FAM227B: variants seen among roughly 807,000 people sequenced by gnomAD.
FAM227B encodes family with sequence similarity 227 member B.
Under a neutral mutation model 73.8 loss-of-function variants are expected in FAM227B, and 88 were observed. The ratio of observed to expected loss-of-function variants is 1.19; its 90% CI spans 1.00 to 1.42. The LOEUF (loss-of-function observed/expected upper bound fraction) is 1.42, where lower values mean the gene tolerates loss of function less well. Ranked by LOEUF, FAM227B falls within the 40% of genes most tolerant of loss-of-function variation. The pLI is 0.00. For synonymous variants in FAM227B, 210 were observed against 190.5 expected (o/e 1.10, Z -0.84); for missense variants, 632 against 590.9 (o/e 1.07, Z -0.72).
intron 6 of FAM227B, 55 bp downstream of exon 6, chr15:49,577,574 T>C: frequency 9.5e-7 from 1 of 1,051,670 alleles, no homozygotes; most frequent in Non-Finnish European, 1.4e-6. Context: ...AACATTATTT[T>C]AGTCCTACAT....
intron 5 of FAM227B, among the ~76,000 whole-genome samples, chr15:49,582,220 G>A (rs9972522): frequency 0.017 from 2,642 of 152,242 alleles, 64 homozygotes; most frequent in African/African-American, 0.061. Flanking sequence ...CCACTAGTAC[G>A]CTATCTTCAA....
intron 13 of FAM227B, chr15:49,366,643 C>A: frequency 6.4e-7 from 1 of 1,574,780 alleles, no homozygotes; most frequent in Non-Finnish European, 8.7e-7. Flanking sequence ...AGCCCCAGAG[C>A]AGGGCGGCCG....
chr15:49,524,770 C>T (rs943233299), intron 10 of FAM227B, among the ~76,000 whole-genome samples: 1 of 152,222 alleles, frequency 6.6e-6, no homozygotes, highest in Non-Finnish European at 1.5e-5. Context: ...CCTCTTGCAT[C>T]AGTGTGACCT....
intron 11 of FAM227B, chr15:49,424,172 C>T: frequency 1.2e-6 from 1 of 812,774 alleles, no homozygotes; most frequent in East Asian, 2.5e-5. Context: ...TTGGAAAGAG[C>T]AACTACTCTT....
intron 11 of FAM227B, among the ~76,000 whole-genome samples, chr15:49,379,513 C>A (rs117795150): frequency 0.03 from 4,555 of 152,194 alleles, 110 homozygotes; most frequent in Non-Finnish European, 0.042. Context: ...ATGGTTCAAT[C>A]TTGGTAGGTT....
chr15:49,408,055 G>T (rs1185638204), intron 11 of FAM227B, among the ~76,000 whole-genome samples: 1 of 151,900 alleles, frequency 6.6e-6, no homozygotes, highest in African/African-American at 2.4e-5. Flanking sequence ...CATCCTTTTT[G>T]TTTTGTATCC....
At chr15:49,511,225 T>C (rs1390138295) in intron 10 of FAM227B, among the ~76,000 whole-genome samples, 2 of 152,128 alleles carry the variant, frequency 1.3e-5, no homozygotes, top group South Asian at 2.1e-4. Context: ...TTTCTTCCCA[T>C]TTGAGATGGA....
At position 49,400,768 on chromosome 15, in the gene FAM227B, T is replaced by C. The variant is rs1260456181; in HGVS notation, c.1013-29369A>G. On this transcript the variant is annotated intron_variant, in intron 11 of 15. Transcript: ENST00000299338. ...AATGGGGAAAGGATTCCCTATTTAA[T>C]AAATGGTGCTGGGAAAACTGGCTAG... is the stretch of plus-strand genomic sequence containing the variant. 4.6e-5 allele frequency among the ~76,000 whole-genome samples: 7 copies of C among 151,282 alleles called. No individual in the cohort carries two copies. The East Asian group carries it at 1.2e-3, about 25-fold the overall frequency.
chr15:49,574,808 G>C, intron 8 of FAM227B: 1 of 320,156 alleles, frequency 3.1e-6, no homozygotes, highest in Non-Finnish European at 5.7e-6. Context: ...CAAAGATCCA[G>C]AATCTTTTGA....
Position 49,590,605 on chromosome 15 carries a change from C to T in FAM227B, c.106-598G>A, listed in dbSNP as rs563947932. 8.9e-4 allele frequency among the ~76,000 whole-genome samples: 135 copies of T among 152,072 alleles called. 5 individuals are homozygous for T. The South Asian group carries it at 0.026, about 30-fold the overall frequency. The stretch of plus-strand genomic sequence containing the variant: ...ATTTATGATGTACAATGTGAAGCTT[C>T]GATAAATGTATAGACTGTGCAATGA... On this transcript the variant is annotated intron_variant, in intron 3 of 15. Coordinates refer to ENST00000299338, the MANE Select transcript of FAM227B (RefSeq NM_152647.3).
At chr15:49,329,908 G>A (rs780181000) in intron 15 of FAM227B, 2 of 264,060 alleles carry the variant, frequency 7.6e-6, no homozygotes, top group Non-Finnish European at 1.2e-5. Flanking sequence ...AATTTCCAAT[G>A]TGCACTCTTC....
intron 11 of FAM227B, among the ~76,000 whole-genome samples, chr15:49,422,141 AGAGAGT>A (rs1217011612): frequency 1.9e-4 from 27 of 141,862 alleles, no homozygotes; most frequent in African/African-American, 6.6e-4. Context: ...AGAGAGAGAG[AGAGAGT>A]GTGTGTGTGT....
At chr15:49,450,087 A>G in intron 11 of FAM227B, among the ~76,000 whole-genome samples, 1 of 152,260 alleles carries the variant, frequency 6.6e-6, no homozygotes, top group South Asian at 2.1e-4. Flanking sequence ...ACTGAGAAGA[A>G]ACAAATTAAA....
chr15:49,615,079 T>C (rs374686516), intron 2 of FAM227B, 42 bp downstream of exon 2: 57 of 1,575,318 alleles, frequency 3.6e-5, no homozygotes, highest in East Asian at 3.6e-4. Context: ...AAGAGAAATA[T>C]AACCTTTGTA....
At chr15:49,333,992 T>C (rs1034867171) in intron 14 of FAM227B, among the ~76,000 whole-genome samples, 48 of 152,328 alleles carry the variant, frequency 3.2e-4, no homozygotes, top group Admixed American at 2.7e-3. Context: ...TATAGGTTTA[T>C]TTTGAAAAGG....
intron 11 of FAM227B, among the ~76,000 whole-genome samples, chr15:49,405,229 T>G (rs1161399112): frequency 6.6e-6 from 1 of 152,158 alleles, no homozygotes; most frequent in Non-Finnish European, 1.5e-5. Context: ...ATTATGTGTC[T>G]TGGGATGATC....
chr15:49,537,156 A>T lies in FAM227B; in HGVS notation c.874+4524T>A, dbSNP rs148168688. 7.2e-4 allele frequency among the ~76,000 whole-genome samples: 109 copies of T among 152,260 alleles called. 1 individual carries two copies. Among genetic ancestry groups the T allele is most frequent in the African/African-American group, 2.5e-3 (105 of 41,578 alleles). ...ACCTATGAATTAGGAAAATATATTGACAAATAATATTACTACTATCTATTA... is the reference window on the plus strand; with the variant it reads ...ACCTATGAATTAGGAAAATATATTGTCAAATAATATTACTACTATCTATTA... On this transcript the variant is annotated intron_variant, in intron 10 of 15. Transcript: ENST00000299338.
At chr15:49,530,728 A>G (rs528125059) in intron 10 of FAM227B, among the ~76,000 whole-genome samples, 33 of 151,970 alleles carry the variant, frequency 2.2e-4, no homozygotes, top group African/African-American at 7.5e-4. Context: ...AAATGTATCT[A>G]AACTGTTCAA....
intron 8 of FAM227B, among the ~76,000 whole-genome samples, chr15:49,569,226 CT>C (rs1177079716): frequency 1.3e-5 from 2 of 151,848 alleles, no homozygotes; most frequent in Non-Finnish European, 2.9e-5. Flanking sequence ...ATTGCCCCCA[CT>C]TTTTTATAAT....
Sources: allele counts gnomAD v4.1 joint callset (sites outside exome capture counted in the v4.1 genomes callset), GRCh38; gene constraint gnomAD v4.1.1; transcripts MANE v1.5; gene names NCBI Gene and HGNC (gene_info 2026-07-23, HGNC 2026-07-21).